The following SLC20A2 variants were observed in gnomAD, a reference collection of about 807,000 sequenced individuals.
SLC20A2 encodes sodium-dependent phosphate transporter 2.
A neutral mutation model predicts 61.0 loss-of-function variants in SLC20A2; 30 were observed. The ratio of observed to expected loss-of-function variants is 0.49; its 90% CI spans 0.37 to 0.67. The LOEUF (loss-of-function observed/expected upper bound fraction) is 0.67, where lower values mean the gene tolerates loss of function less well. Among genes scored for constraint, SLC20A2 ranks in the 30% least tolerant of loss-of-function variants. The pLI, the probability that SLC20A2 is intolerant of heterozygous loss-of-function variation, is 0.00. For synonymous variants in SLC20A2, 351 were observed against 353.3 expected, an observed-to-expected ratio of 0.99 and a Z score of 0.07; for missense variants, 626 against 866.4, an observed-to-expected ratio of 0.72 and a Z score of 3.48.
intron 1 of SLC20A2, among the ~76,000 whole-genome samples, chr8:42,483,326 G>A (rs1382246465): frequency 5.9e-5 from 9 of 152,178 alleles, no homozygotes; most frequent in African/African-American, 1.9e-4. Context: ...AGGCGAGATC[G>A]TGCCATTGCA....
intron 1 of SLC20A2, among the ~76,000 whole-genome samples, chr8:42,540,508 G>C (rs555992048): frequency 6.6e-6 from 1 of 152,036 alleles, no homozygotes; most frequent in South Asian, 2.1e-4. Flanking sequence ...GTATGATTAT[G>C]TATATACAAT....
chr8:42,526,854 A>G (rs1027765463), intron 1 of SLC20A2, among the ~76,000 whole-genome samples: 7 of 152,084 alleles, frequency 4.6e-5, no homozygotes, highest in Non-Finnish European at 1.0e-4. Context: ...CTGTAGTCTC[A>G]GCACTTTGAG....
intron 1 of SLC20A2, among the ~76,000 whole-genome samples, chr8:42,479,523 T>C (rs977847920): frequency 2.0e-5 from 3 of 152,108 alleles, no homozygotes; most frequent in Non-Finnish European, 4.4e-5. Flanking sequence ...AGTAGTTATC[T>C]TCTTATTGAA....
At chr8:42,491,665 C>G (rs1368118455) in intron 1 of SLC20A2, among the ~76,000 whole-genome samples, 1 of 150,856 alleles carries the variant, frequency 6.6e-6, no homozygotes, top group South Asian at 2.1e-4. Flanking sequence ...AGTGAGACTC[C>G]ATCTCAAAAA....
chr8:42,532,021 G>T (rs930349154), intron 1 of SLC20A2, among the ~76,000 whole-genome samples: 1 of 150,892 alleles, frequency 6.6e-6, no homozygotes, highest in African/African-American at 2.4e-5. Flanking sequence ...TAGAGACGGG[G>T]TTTCACCATG....
chr8:42,428,033 C>T (rs1407193776), intron 10 of SLC20A2, among the ~76,000 whole-genome samples: 1 of 152,208 alleles, frequency 6.6e-6, no homozygotes. Flanking sequence ...TCTGCAGATA[C>T]TGGGCAGAGT....
chr8:42,464,530 C>G (rs1172608770), intron 3 of SLC20A2, among the ~76,000 whole-genome samples: 1 of 152,104 alleles, frequency 6.6e-6, no homozygotes, highest in African/African-American at 2.4e-5. Context: ...CTCAATCTTT[C>G]TCTGACCTAT....
At chr8:42,454,631 T>TG (rs1805995496) in intron 5 of SLC20A2, among the ~76,000 whole-genome samples, 1 of 152,084 alleles carries the variant, frequency 6.6e-6, no homozygotes. Context: ...ATTTTTTTTT[T>TG]TTTTTGAGAC....
chr8:42,506,393 A>G (rs569334112), intron 1 of SLC20A2, among the ~76,000 whole-genome samples: 3 of 152,318 alleles, frequency 2.0e-5, no homozygotes, highest in Admixed American at 2.0e-4. Context: ...TGTTGCTGAC[A>G]TCAAGGGTTG....
intron 10 of SLC20A2, among the ~76,000 whole-genome samples, chr8:42,423,678 T>C (rs956502698): frequency 5.3e-5 from 8 of 152,246 alleles, no homozygotes; most frequent in African/African-American, 1.4e-4. Context: ...CTATACTTCA[T>C]TTATCATACG....
At chr8:42,497,310 A>G (rs1434560429) in intron 1 of SLC20A2, among the ~76,000 whole-genome samples, 1 of 152,208 alleles carries the variant, frequency 6.6e-6, no homozygotes, top group African/African-American at 2.4e-5. Flanking sequence ...AATACCCTCC[A>G]TCTTTGCATC....
At chr8:42,455,287 G>T (rs1219298785) in intron 5 of SLC20A2, among the ~76,000 whole-genome samples, 1 of 145,230 alleles carries the variant, frequency 6.9e-6, no homozygotes, top group African/African-American at 2.5e-5. Context: ...GAGAGAGAGA[G>T]AGAGAGCGTG....
Position 42,417,041 on chromosome 8 carries a change from G to A in SLC20A2, c.*762C>T, listed in dbSNP as rs2130901276. The A allele has an allele frequency of 6.5e-6, 1 of 152,836 alleles. No homozygotes were observed. Among genetic ancestry groups the A allele is most frequent in the East Asian group, 1.9e-4 (1 of 5,190 alleles). 9.5% of individuals were successfully genotyped at this position (152,836 alleles called of 1,614,324 possible). A position where few individuals can be genotyped will look rare whatever the true frequency, so the allele number is the denominator to read the frequency against. On this transcript the variant is annotated 3_prime_UTR_variant, in exon 11 of 11. Transcript: ENST00000520262. ...CCACACACTGCTCTGGGGCAGGCGT[G>A]ATCAGTGAGGGTGGGAGACAGACAA...
At chr8:42,423,178 A>G (rs1341281834) in intron 10 of SLC20A2, among the ~76,000 whole-genome samples, 1 of 152,134 alleles carries the variant, frequency 6.6e-6, no homozygotes, top group Non-Finnish European at 1.5e-5. Flanking sequence ...CAAGAAAGCT[A>G]TCCTTGTATT....
intron 8 of SLC20A2, among the ~76,000 whole-genome samples, chr8:42,431,692 C>G (rs1202636967): frequency 1.3e-5 from 2 of 152,238 alleles, no homozygotes; most frequent in African/African-American, 4.8e-5. Context: ...CAGGCTGACT[C>G]TCTTCTCAGA....
chr8:42,449,047 C>T (rs1206963619), intron 5 of SLC20A2, among the ~76,000 whole-genome samples: 1 of 152,168 alleles, frequency 6.6e-6, no homozygotes, highest in Non-Finnish European at 1.5e-5. Flanking sequence ...CGGTTTTTCT[C>T]CTAAAAACTC....
chr8:42,465,036 A>G (rs1807045979), intron 3 of SLC20A2, among the ~76,000 whole-genome samples: 1 of 152,124 alleles, frequency 6.6e-6, no homozygotes, highest in Non-Finnish European at 1.5e-5. Context: ...AGGAATTTTA[A>G]GGGAAAATAT....
At chr8:42,443,926 T>A (rs1805001571) in intron 6 of SLC20A2, among the ~76,000 whole-genome samples, 1 of 152,198 alleles carries the variant, frequency 6.6e-6, no homozygotes, top group Admixed American at 6.5e-5. Context: ...TTCTGCTCAG[T>A]ATCACGGCTG....
chr8:42,516,021 A>G (rs1189898310), intron 1 of SLC20A2, among the ~76,000 whole-genome samples: 2 of 152,208 alleles, frequency 1.3e-5, no homozygotes, highest in Non-Finnish European at 2.9e-5. Flanking sequence ...TCTAGTGGAG[A>G]CTGTGCTTCC....
Sources: allele counts gnomAD v4.1 joint callset (sites outside exome capture counted in the v4.1 genomes callset), GRCh38; gene constraint gnomAD v4.1.1; transcripts MANE v1.5; gene names NCBI Gene and HGNC (gene_info 2026-07-23, HGNC 2026-07-21).